Variants in PIP5K1B observed in about 807,000 individuals in gnomAD.
PIP5K1B encodes phosphatidylinositol 4-phosphate 5-kinase type-1 beta.
In PIP5K1B, 42 loss-of-function variants were observed where a neutral mutation model predicts 67.0. The ratio of observed to expected loss-of-function variants is 0.63; its 90% confidence interval spans 0.49 to 0.81. PIP5K1B has a LOEUF of 0.81. Ranked by LOEUF, PIP5K1B falls within the 30% of genes least tolerant of loss-of-function variation. PIP5K1B has a pLI of 0.00. For synonymous variants in PIP5K1B, 214 were observed against 231.4 expected (o/e 0.92, Z 0.68); for missense variants, 459 against 646.3 (o/e 0.71, Z 3.14).
intron 15 of PIP5K1B, among the ~76,000 whole-genome samples, chr9:68,992,134 T>TTTGTA (rs1372119578): frequency 6.6e-6 from 1 of 151,962 alleles, no homozygotes; most frequent in Non-Finnish European, 1.5e-5. Flanking sequence ...CCTGGCTAAT[T>TTTGTA]TTGTATTTTT....
Position 68,904,752 on chromosome 9 carries a change from G to A in PIP5K1B, c.771+10114G>A, listed in dbSNP as rs796083446. Among the ~76,000 whole-genome samples, 30 of 89,078 alleles carry A rather than the reference G, an allele frequency of 3.4e-4. 1 individual carries two copies. The highest frequency in any genetic ancestry group is 9.5e-4 in the African/African-American group (27 of 28,446). The allele number at this position is 89,078 out of a possible 152,430, so 58.4% of individuals were successfully genotyped here. On this transcript the variant is annotated intron_variant, in intron 8 of 15. Coordinates refer to ENST00000265382, the MANE Select transcript of PIP5K1B (RefSeq NM_003558.4). ...AAACGGAAGGATTATCAAGTCAGTA[G>A]TTTGCTTTTTTTTTTTTAAACTCTC...
At chr9:68,952,730 C>A (rs184858463) in intron 14 of PIP5K1B, among the ~76,000 whole-genome samples, 4 of 151,970 alleles carry the variant, frequency 2.6e-5, no homozygotes, top group Non-Finnish European at 4.4e-5. Flanking sequence ...TTCCAATTAC[C>A]ATTGAGAAAT....
intron 14 of PIP5K1B, among the ~76,000 whole-genome samples, chr9:68,962,291 C>A (rs1187368293): frequency 1.3e-5 from 2 of 152,126 alleles, no homozygotes; most frequent in Non-Finnish European, 2.9e-5. Flanking sequence ...GCACATTTAT[C>A]CCCTAACTAA....
At chr9:68,750,236 A>T (rs1350602351) in intron 2 of PIP5K1B, among the ~76,000 whole-genome samples, 1 of 152,122 alleles carries the variant, frequency 6.6e-6, no homozygotes. Context: ...GTAAAGATGC[A>T]CATGTTTTAA....
intron 12 of PIP5K1B, among the ~76,000 whole-genome samples, chr9:68,934,025 T>G (rs1270817966): frequency 1.3e-5 from 2 of 152,100 alleles, no homozygotes; most frequent in Non-Finnish European, 2.9e-5. Context: ...AAAAACATAT[T>G]CAGGGGAAAA....
intron 4 of PIP5K1B, among the ~76,000 whole-genome samples, chr9:68,831,536 T>C (rs546660324): frequency 3.3e-4 from 50 of 152,328 alleles, no homozygotes; most frequent in African/African-American, 1.1e-3. Context: ...CCCTACCCAC[T>C]GCATTATTGT....
chr9:68,848,904 G>A (rs139542667), intron 4 of PIP5K1B, among the ~76,000 whole-genome samples: 4 of 152,298 alleles, frequency 2.6e-5, no homozygotes, highest in African/African-American at 9.6e-5. Context: ...TGTCTCACTA[G>A]TGATCAGGAA....
At chr9:68,961,268 A>T (rs951667283) in intron 14 of PIP5K1B, among the ~76,000 whole-genome samples, 1 of 152,120 alleles carries the variant, frequency 6.6e-6, no homozygotes, top group Non-Finnish European at 1.5e-5. Context: ...ACAGAAAGTA[A>T]GTTAGCAGTT....
chr9:68,775,610 C>T (rs1470604189), intron 2 of PIP5K1B, among the ~76,000 whole-genome samples: 1 of 152,160 alleles, frequency 6.6e-6, no homozygotes, highest in African/African-American at 2.4e-5. Flanking sequence ...CATCATGGCA[C>T]TCACTCACAG....
At chr9:68,780,276 G>GC in intron 2 of PIP5K1B, 2 of 1,577,816 alleles carry the variant, frequency 1.3e-6, no homozygotes, top group Non-Finnish European at 8.6e-7. Flanking sequence ...GTCTAACAGC[G>GC]CCCCCCTGAT....
At chr9:68,756,161 T>C (rs1349684268) in intron 2 of PIP5K1B, among the ~76,000 whole-genome samples, 7 of 152,248 alleles carry the variant, frequency 4.6e-5, no homozygotes, top group Non-Finnish European at 7.3e-5. Context: ...TGTTATTTTA[T>C]GTAAATATTT....
chr9:68,731,579 T>C (rs1448971914), intron 1 of PIP5K1B, among the ~76,000 whole-genome samples: 2 of 152,174 alleles, frequency 1.3e-5, no homozygotes, highest in Non-Finnish European at 2.9e-5. Context: ...CAAAAACAAA[T>C]GTGTGATCCT....
chr9:68,911,678 C>T (rs1252880941), intron 8 of PIP5K1B, among the ~76,000 whole-genome samples: 6 of 151,782 alleles, frequency 4.0e-5, no homozygotes, highest in Non-Finnish European at 8.8e-5. Context: ...ATCGCTTGAG[C>T]CCAGGAGTTC....
At chr9:68,819,777 T>G (rs17391840) in intron 3 of PIP5K1B, among the ~76,000 whole-genome samples, 43,618 of 152,070 alleles carry the variant, frequency 0.29, 6,466 homozygotes, top group Middle Eastern at 0.34. Context: ...CCGACTCCAA[T>G]GCCCCTGGTT....
At chr9:68,765,466 T>G (rs1160262410) in intron 2 of PIP5K1B, among the ~76,000 whole-genome samples, 2 of 152,074 alleles carry the variant, frequency 1.3e-5, no homozygotes, top group Admixed American at 1.3e-4. Context: ...ATGGTCGTTC[T>G]CTTGTCTGAG....
chr9:68,906,209 G>A (rs539132696), intron 8 of PIP5K1B, among the ~76,000 whole-genome samples: 3 of 152,220 alleles, frequency 2.0e-5, no homozygotes, highest in Admixed American at 6.5e-5. Flanking sequence ...TGTAGAGAAA[G>A]GATTTCACCA....
intron 14 of PIP5K1B, among the ~76,000 whole-genome samples, chr9:68,981,955 C>T (rs976057978): frequency 1.3e-5 from 2 of 152,090 alleles, no homozygotes; most frequent in African/African-American, 4.8e-5. Context: ...GCACAGAGCC[C>T]GGGAAGAGTA....
intron 2 of PIP5K1B, among the ~76,000 whole-genome samples, chr9:68,749,797 C>T (rs931577088): frequency 6.6e-6 from 1 of 152,154 alleles, no homozygotes; most frequent in Non-Finnish European, 1.5e-5. Context: ...CACTAGATGC[C>T]AGTAGTTCCT....
chr9:68,785,900 C>T (rs923348851), intron 2 of PIP5K1B, among the ~76,000 whole-genome samples: 8 of 152,174 alleles, frequency 5.3e-5, no homozygotes, highest in African/African-American at 1.2e-4. Flanking sequence ...TTTTATGAAG[C>T]GATTGTTTCT....
Sources: allele counts gnomAD v4.1 joint callset (sites outside exome capture counted in the v4.1 genomes callset), GRCh38; gene constraint gnomAD v4.1.1; transcripts MANE v1.5; gene names NCBI Gene and HGNC (gene_info 2026-07-23, HGNC 2026-07-21).